Variants in ABR observed in about 807,000 individuals in gnomAD.
ABR encodes ABR activator of RhoGEF and GTPase.
A neutral mutation model predicts 107.2 loss-of-function variants in ABR; 35 were observed. The ratio of observed to expected loss-of-function variants is 0.33; its 90% CI spans 0.25 to 0.43. The LOEUF (loss-of-function observed/expected upper bound fraction) is 0.43. Among genes scored for constraint, ABR ranks in the 20% least tolerant of loss-of-function variants. ABR has a pLI of 1.00. For missense variants in ABR, 815 were observed against 1,115.2 expected, an observed-to-expected ratio of 0.73 and a Z score of 3.83; for synonymous variants, 498 against 462.0, an observed-to-expected ratio of 1.08 and a Z score of -1.00.
rs896559033 is a variant in ABR at position 1,148,717 on chromosome 17, G to A, written c.62-23350C>T. On this transcript the variant is annotated intron_variant, in intron 1 of 22. Transcript: ENST00000302538. The surrounding 1 kb of genome is among the most constrained non-coding windows in gnomAD (Gnocchi z 4.9). Reference sequence around the variant, plus strand: ...GGTCCGTGGAAAAAGTGTCTTCCACGAAGCCGGTCCCTGGTGCGCTGGTTT... The same window carrying A: ...GGTCCGTGGAAAAAGTGTCTTCCACAAAGCCGGTCCCTGGTGCGCTGGTTT... Among the ~76,000 whole-genome samples, 19 of 152,304 alleles carry A rather than the reference G, an allele frequency of 1.2e-4. No homozygotes were observed. The highest frequency in any genetic ancestry group is 8.3e-4 in the South Asian group (4 of 4,832).
chr17:1,129,303 C>T (rs1567804234), intron 1 of ABR, among the ~76,000 whole-genome samples: 2 of 151,922 alleles, frequency 1.3e-5, no homozygotes, highest in South Asian at 2.1e-4. Context: ...TGTGGGAGGC[C>T]GAGGCGGGCG....
intron 1 of ABR, among the ~76,000 whole-genome samples, chr17:1,224,429 C>G (rs911719405): frequency 3.3e-5 from 5 of 152,184 alleles, no homozygotes; most frequent in South Asian, 4.1e-4. Context: ...GCTTCTGGGC[C>G]TCTGTAGGTG....
In ABR at chr17:1,054,338, C is replaced by T. The variant is rs116498260; in HGVS notation, c.1561+1697G>A. Among the ~76,000 whole-genome samples, 774 of 152,290 alleles carry T rather than the reference C, an allele frequency of 5.1e-3. 6 individuals carry two copies. The highest frequency in any genetic ancestry group is 0.018 in the African/African-American group (733 of 41,554). ...CCACATTTCTGAGCTCCCATGCATCCCAGGGTAAAGGAGACCTGGTTCCCG... is the reference window on the plus strand; with the variant it reads ...CCACATTTCTGAGCTCCCATGCATCTCAGGGTAAAGGAGACCTGGTTCCCG... On this transcript the variant is annotated intron_variant, in intron 14 of 22. Coordinates refer to ENST00000302538, the MANE Select transcript of ABR (RefSeq NM_021962.5).
In ABR at chr17:1,007,997, C is replaced by T. The variant is rs569547079; in HGVS notation, c.2343-685G>A. Among the ~76,000 whole-genome samples the T allele has an allele frequency of 9.8e-5, 15 of 152,328 alleles. No homozygotes were observed. The East Asian group carries it at 1.9e-3, about 20-fold the overall frequency. ...CGGGGACTGTCCCCCCGTGCCTGTCCGGAAAGGTCGGCCTCGTGGGACCCA... is the reference window on the plus strand; with the variant it reads ...CGGGGACTGTCCCCCCGTGCCTGTCTGGAAAGGTCGGCCTCGTGGGACCCA... On this transcript the variant is annotated intron_variant, in intron 21 of 22. Transcript: ENST00000302538.
Position 1,103,722 on chromosome 17 carries a change from G to A in ABR, c.247-2987C>T, listed in dbSNP as rs187961935. ...CTCAAGAGGCAACAGTCAGCCCCAA[G>A]AGTCCTGCTCTGGGCCCCGTTCACG... On this transcript the variant is annotated intron_variant, in intron 2 of 22. Transcript: ENST00000302538. 9.2e-5 allele frequency among the ~76,000 whole-genome samples: 14 copies of A among 152,286 alleles called. No homozygotes were observed. In the East Asian group the frequency reaches 2.3e-3, roughly 25 times the overall value.
At chr17:1,137,737 T>A (rs1273403989) in intron 1 of ABR, among the ~76,000 whole-genome samples, 1 of 152,056 alleles carries the variant, frequency 6.6e-6, no homozygotes, top group East Asian at 1.9e-4. Context: ...GAAGCTCAAC[T>A]AAGCATGGAG....
At chr17:1,202,848 T>C (rs939605805) in intron 1 of ABR, among the ~76,000 whole-genome samples, 3 of 151,364 alleles carry the variant, frequency 2.0e-5, no homozygotes, top group African/African-American at 7.3e-5. Flanking sequence ...CGAACCCTAC[T>C]ATTTAGGTTG....
At chr17:1,215,678 C>T (rs1422188813) in intron 1 of ABR, among the ~76,000 whole-genome samples, 5 of 152,154 alleles carry the variant, frequency 3.3e-5, no homozygotes, top group African/African-American at 1.2e-4. Context: ...GGGAGGTGTA[C>T]CCAGCAGCTC....
intron 16 of ABR, among the ~76,000 whole-genome samples, chr17:1,046,683 G>A (rs1451299957): frequency 6.6e-6 from 1 of 152,216 alleles, no homozygotes; most frequent in Admixed American, 6.5e-5. Flanking sequence ...ACGGCCCTCT[G>A]TCCGGGCTGG....
intron 1 of ABR, among the ~76,000 whole-genome samples, chr17:1,227,098 G>A (rs927132236): frequency 6.6e-6 from 1 of 152,224 alleles, no homozygotes; most frequent in African/African-American, 2.4e-5. Flanking sequence ...TAGTCCTGAG[G>A]AAGGTGACTC....
chr17:1,089,099 T>C (rs1265376929), intron 4 of ABR, among the ~76,000 whole-genome samples: 1 of 152,088 alleles, frequency 6.6e-6, no homozygotes, highest in Non-Finnish European at 1.5e-5. Context: ...GGTTCCACCA[T>C]GTAGGCCAGG....
At chr17:1,199,536 C>A (rs756454431) in intron 1 of ABR, among the ~76,000 whole-genome samples, 10 of 151,358 alleles carry the variant, frequency 6.6e-5, no homozygotes, top group Non-Finnish European at 1.2e-4. Flanking sequence ...GCAGCCTCCC[C>A]CTCCCGGGTT....
chr17:1,011,728 T>C lies in ABR; in HGVS notation c.2101+118A>G. The C allele has an allele frequency of 7.5e-7, 1 of 1,325,218 alleles. No individual in the cohort carries two copies. The highest frequency in any genetic ancestry group is 1.0e-6 in the Non-Finnish European group (1 of 995,810). The allele number at this position is 1,325,218 out of a possible 1,614,324, so 82.1% of individuals were successfully genotyped here. ...GAGAAAGCACTTGCCACGGGGACTC[T>C]GAAGCAGAGCAAGCCTCCTCTCCAG... On this transcript the variant is annotated intron_variant, in intron 19 of 22. Coordinates refer to ENST00000302538, the MANE Select transcript of ABR (RefSeq NM_021962.5). This position sits in a 1 kb window ranked among gnomAD's most constrained non-coding sequence, Gnocchi z 4.8.
chr17:1,016,543 T>C (rs748191614), intron 16 of ABR, among the ~76,000 whole-genome samples: 1 of 151,962 alleles, frequency 6.6e-6, no homozygotes, highest in Non-Finnish European at 1.5e-5. Flanking sequence ...CTCGAGCTCC[T>C]GACCTCAGGC....
At chr17:1,067,329 G>A in intron 9 of ABR, 87 bp from the exon 10 acceptor site, 3 of 1,242,952 alleles carry the variant, frequency 2.4e-6, no homozygotes, top group Non-Finnish European at 3.2e-6. Context: ...CAGAACCACT[G>A]ACAGGGGTTG....
intron 9 of ABR, among the ~76,000 whole-genome samples, chr17:1,067,685 A>G (rs769840892): frequency 6.6e-6 from 1 of 152,178 alleles, no homozygotes; most frequent in Non-Finnish European, 1.5e-5. Context: ...GAGTGGTCAC[A>G]TGGGTCAACA....
chr17:1,073,790 G>A (rs889601441), intron 6 of ABR, 113 bp from the exon 7 acceptor site: 22 of 936,632 alleles, frequency 2.3e-5, no homozygotes, highest in African/African-American at 1.3e-4. Flanking sequence ...AACACCCCTC[G>A]AGGGACACCA....
At chr17:1,226,785 C>T (rs994255797) in intron 1 of ABR, among the ~76,000 whole-genome samples, 8 of 150,664 alleles carry the variant, frequency 5.3e-5, no homozygotes, top group African/African-American at 1.7e-4. Context: ...TGACAGTGTA[C>T]CATGTGTATA....
chr17:1,010,077 G>A lies in ABR; in HGVS notation c.2237-293C>T. ...CTGGGGCATCCCCTGTCTCGTAACAGGACACCCCCTGGTCTGTGTGGCTAA... is the reference window on the plus strand; with the variant it reads ...CTGGGGCATCCCCTGTCTCGTAACAAGACACCCCCTGGTCTGTGTGGCTAA... On this transcript the variant is annotated intron_variant, in intron 20 of 22. Transcript: ENST00000302538. This position sits in a 1 kb window ranked among gnomAD's most constrained non-coding sequence, Gnocchi z 4.1. 1 of 524,136 alleles carries A rather than the reference G, an allele frequency of 1.9e-6. No homozygotes were observed. Among genetic ancestry groups the A allele is most frequent in the Admixed American group, 3.1e-5 (1 of 31,804 alleles). 32.5% of individuals were successfully genotyped at this position (524,136 alleles called of 1,614,324 possible). A position where few individuals can be genotyped will look rare whatever the true frequency, so the allele number is the denominator to read the frequency against.
Sources: gnomAD v4.1 joint callset for allele counts (sites outside exome capture counted in the v4.1 genomes callset) on GRCh38, gnomAD v4.1.1 for gene constraint, Gnocchi (gnomAD v3.1) non-coding constraint, MANE v1.5 for transcripts, NCBI Gene and HGNC (gene_info 2026-07-23, HGNC 2026-07-21) for gene names.